ICE2: variants seen among roughly 807,000 people sequenced by gnomAD.
The protein encoded by ICE2 is little elongation complex subunit 2.
A neutral mutation model predicts 105.4 loss-of-function variants in ICE2; 87 were observed. The observed-to-expected ratio is 0.83, with a 90% CI of 0.69 to 0.99. ICE2 has a LOEUF of 0.99. Ranked by LOEUF, ICE2 falls within the 50% of genes least tolerant of loss-of-function variation. ICE2 has a pLI of 0.00. For missense variants in ICE2, 1,323 were observed against 1,146.7 expected, an observed-to-expected ratio of 1.15 and a Z score of -2.22; for synonymous variants, 399 against 392.0, an observed-to-expected ratio of 1.02 and a Z score of -0.21.
In ICE2 at chr15:60,421,707, G is replaced by A. The variant is rs920923173; in HGVS notation, c.*1927C>T. On this transcript the variant is annotated 3_prime_UTR_variant, in exon 16 of 16. Coordinates refer to ENST00000261520, the MANE Select transcript of ICE2 (RefSeq NM_024611.6). ...AAGAGTACATTTCAAGGGAATCCCTGCCTCTCCCTTGGCTCGCTGGCAAAT... is the reference window on the plus strand; with the variant it reads ...AAGAGTACATTTCAAGGGAATCCCTACCTCTCCCTTGGCTCGCTGGCAAAT... 4 of 152,130 alleles carry A rather than the reference G, an allele frequency of 2.6e-5. No individual in the cohort carries two copies. The highest frequency in any genetic ancestry group is 6.5e-5 in the Admixed American group (1 of 15,274). 9.4% of individuals were successfully genotyped at this position (152,130 alleles called of 1,614,324 possible).
At chr15:60,478,957 C>T (rs1436323290) in intron 1 of ICE2, 46 bp downstream of exon 1, 1 of 455,742 alleles carries the variant, frequency 2.2e-6, no homozygotes, top group Non-Finnish European at 4.4e-6. Context: ...GGCCCGGCAG[C>T]GCCCTCCCGT....
At chr15:60,438,007 A>G (rs568301851) in intron 12 of ICE2, 5 of 152,146 alleles carry the variant, frequency 3.3e-5, no homozygotes, top group Non-Finnish European at 7.4e-5. Context: ...CTAGAATTCC[A>G]AAAAACAAAA....
chr15:60,469,737 T>C (rs2064535988), intron 3 of ICE2, among the ~76,000 whole-genome samples: 1 of 152,222 alleles, frequency 6.6e-6, no homozygotes, highest in African/African-American at 2.4e-5. Flanking sequence ...CATACTCCCA[T>C]TGCAATGCTT....
Position 60,420,571 on chromosome 15 carries a change from A to G in ICE2, c.*3063T>C, listed in dbSNP as rs74732850. 1 of 152,190 alleles carries G rather than the reference A, an allele frequency of 6.6e-6. No homozygotes were observed. The highest frequency in any genetic ancestry group is 1.5e-5 in the Non-Finnish European group (1 of 68,054). The allele number at this position is 152,190 out of a possible 1,614,324, so 9.4% of individuals were successfully genotyped here. On this transcript the variant is annotated 3_prime_UTR_variant, in exon 16 of 16. Coordinates refer to ENST00000261520, the MANE Select transcript of ICE2 (RefSeq NM_024611.6). ...GTCTTAGCACAGTGTTTCTGTCCCT[A>G]TCCTGCAGTTTTCTCTCTCATCTCC...
chr15:60,477,023 C>G (rs774044553), intron 2 of ICE2, among the ~76,000 whole-genome samples: 4 of 152,228 alleles, frequency 2.6e-5, no homozygotes, highest in Non-Finnish European at 1.5e-5. Context: ...ATGGTAACTT[C>G]TGGGTGTCCT....
chr15:60,470,235 A>G (rs891999657), intron 3 of ICE2, among the ~76,000 whole-genome samples: 3 of 152,350 alleles, frequency 2.0e-5, no homozygotes, highest in East Asian at 3.8e-4. Context: ...AGAAAAGTAG[A>G]TATGTACATC....
chr15:60,423,855 C>T lies in ICE2; in HGVS notation c.2821-93G>A, dbSNP rs1397313058. The T allele has an allele frequency of 5.3e-6, 6 of 1,134,848 alleles. No individual in the cohort carries two copies. In the African/African-American group the frequency reaches 8.0e-5, roughly 15 times the overall value. 70.3% of individuals were successfully genotyped at this position (1,134,848 alleles called of 1,614,324 possible). On this transcript the variant is annotated intron_variant, in intron 15 of 15. Transcript: ENST00000261520. ...GTAGTATTTATACATGTATTAACCA[C>T]CTTGCAAATAAGCTCTTATATATTT...
At chr15:60,425,437 T>C (rs2063320222) in intron 15 of ICE2, among the ~76,000 whole-genome samples, 1 of 152,114 alleles carries the variant, frequency 6.6e-6, no homozygotes, top group Non-Finnish European at 1.5e-5. Flanking sequence ...ATGTGTAAAA[T>C]AAATGTTTAT....
In ICE2 at chr15:60,423,360, A is replaced by G. The variant is rs1284344180; in HGVS notation, c.*274T>C. ...TTTTTCTATTTACAATTTTTAGAAA[A>G]GGTTTAATGTAAAAATATTTTTCTT... On this transcript the variant is annotated 3_prime_UTR_variant, in exon 16 of 16. Coordinates refer to ENST00000261520, the MANE Select transcript of ICE2 (RefSeq NM_024611.6). The G allele has an allele frequency of 4.8e-6, 1 of 209,852 alleles. No individual in the cohort carries two copies. Among genetic ancestry groups the G allele is most frequent in the East Asian group, 1.2e-4 (1 of 8,284 alleles). 13.0% of individuals were successfully genotyped at this position (209,852 alleles called of 1,614,324 possible).
Position 60,468,342 on chromosome 15 carries a change from T to A in ICE2, c.147-20A>T. The stretch of plus-strand genomic sequence containing the variant: ...ATACGTCTGGAAAACAAAATATAAT[T>A]TACAAATATGTGCTTTTCACATGAA... On this transcript the variant is annotated intron_variant, in intron 3 of 15. Transcript: ENST00000261520. 1.9e-6 allele frequency: 3 copies of A among 1,573,144 alleles called. No individual in the cohort carries two copies. The highest frequency in any genetic ancestry group is 1.7e-6 in the Non-Finnish European group (2 of 1,151,336).
chr15:60,442,724 T>G, intron 11 of ICE2, 179 bp from the exon 12 acceptor site: 2 of 466,098 alleles, frequency 4.3e-6, no homozygotes, highest in South Asian at 8.2e-5. Context: ...AATAGAAGAA[T>G]GTTTGGTGCC....
intron 5 of ICE2, among the ~76,000 whole-genome samples, chr15:60,463,639 G>A (rs761723275): frequency 3.3e-5 from 5 of 152,214 alleles, no homozygotes; most frequent in Non-Finnish European, 7.3e-5. Context: ...TGGGCGTGGT[G>A]GCAGGAGCCT....
chr15:60,461,961 G>A (rs542196095), intron 5 of ICE2, among the ~76,000 whole-genome samples: 1 of 152,128 alleles, frequency 6.6e-6, no homozygotes, highest in East Asian at 1.9e-4. Context: ...GGCTTACAAA[G>A]GATAATAATC....
At chr15:60,462,756 T>C (rs2064315620) in intron 5 of ICE2, among the ~76,000 whole-genome samples, 1 of 152,122 alleles carries the variant, frequency 6.6e-6, no homozygotes, top group Admixed American at 6.6e-5. Context: ...TATATACATA[T>C]ATATATATGT....
At chr15:60,427,086 T>G (rs2063353852) in intron 15 of ICE2, among the ~76,000 whole-genome samples, 1 of 152,178 alleles carries the variant, frequency 6.6e-6, no homozygotes, top group Non-Finnish European at 1.5e-5. Context: ...GAGTTCTCAT[T>G]TCTAAAAGGA....
intron 3 of ICE2, among the ~76,000 whole-genome samples, chr15:60,474,923 T>C (rs1486609435): frequency 1.3e-5 from 2 of 151,774 alleles, no homozygotes; most frequent in Non-Finnish European, 2.9e-5. Context: ...GAGTTCAAGA[T>C]CAACCGGGGC....
At chr15:60,464,786 C>T (rs752462234) in intron 5 of ICE2, among the ~76,000 whole-genome samples, 20 of 152,072 alleles carry the variant, frequency 1.3e-4, no homozygotes, top group Non-Finnish European at 2.2e-4. Context: ...GAGAGGCTGA[C>T]GCAGAAGGAT....
At chr15:60,471,740 G>C (rs1273381794) in intron 3 of ICE2, among the ~76,000 whole-genome samples, 1 of 151,622 alleles carries the variant, frequency 6.6e-6, no homozygotes, top group Non-Finnish European at 1.5e-5. Context: ...TTTTGCCCCT[G>C]CATTTTGTCA....
At chr15:60,437,525 G>A (rs1384119662) in intron 12 of ICE2, among the ~76,000 whole-genome samples, 2 of 151,728 alleles carry the variant, frequency 1.3e-5, no homozygotes, top group South Asian at 2.1e-4. Context: ...TAGAGACTGG[G>A]TTTCATCATG....
Sources: gnomAD v4.1 joint callset for allele counts (sites outside exome capture counted in the v4.1 genomes callset) on GRCh38, gnomAD v4.1.1 for gene constraint, MANE v1.5 for transcripts, NCBI Gene and HGNC (gene_info 2026-07-23, HGNC 2026-07-21) for gene names.